Variants in ESRRG observed in about 807,000 individuals in gnomAD.
ESRRG encodes the protein estrogen related receptor gamma.
A neutral mutation model predicts 44.0 loss-of-function variants in ESRRG; 13 were observed. The ratio of observed to expected loss-of-function variants is 0.30; its 90% CI spans 0.19 to 0.47. ESRRG has a LOEUF of 0.47. Among genes scored for constraint, ESRRG ranks in the 20% least tolerant of loss-of-function variants. The pLI, the probability that ESRRG is intolerant of heterozygous loss-of-function variation, is 1.00. For missense variants in ESRRG, 395 were observed against 580.6 expected (o/e 0.68, Z 3.29); for synonymous variants, 215 against 214.6 (o/e 1.00, Z -0.02).
intron 1 of ESRRG, among the ~76,000 whole-genome samples, chr1:217,005,290 G>A (rs1475475671): frequency 6.6e-6 from 1 of 152,180 alleles, no homozygotes; most frequent in African/African-American, 2.4e-5. Flanking sequence ...CAGAGCGGTA[G>A]ATGATTAGTC....
chr1:216,868,553 T>C (rs200305746), intron 2 of ESRRG, among the ~76,000 whole-genome samples: 1 of 152,320 alleles, frequency 6.6e-6, no homozygotes, highest in East Asian at 1.9e-4. Flanking sequence ...TATGTGATCA[T>C]CCATTTTTTA....
At chr1:217,062,435 A>C (rs1466181362) in intron 1 of ESRRG, among the ~76,000 whole-genome samples, 5 of 152,134 alleles carry the variant, frequency 3.3e-5, no homozygotes, top group African/African-American at 1.2e-4. Flanking sequence ...ACTGTATTCA[A>C]TTTCGGTGCA....
chr1:216,610,640 G>C (rs1045715768), intron 3 of ESRRG, among the ~76,000 whole-genome samples: 5 of 151,994 alleles, frequency 3.3e-5, no homozygotes, highest in African/African-American at 1.2e-4. Flanking sequence ...CATCTGTAAG[G>C]ATATGAGGAT....
chr1:216,810,584 A>G (rs1192937402), intron 2 of ESRRG, among the ~76,000 whole-genome samples: 1 of 147,582 alleles, frequency 6.8e-6, no homozygotes, highest in Non-Finnish European at 1.5e-5. Flanking sequence ...TATATTATAA[A>G]TTATATATAT....
At position 216,911,856 on chromosome 1, in the gene ESRRG, G is replaced by T. The variant is rs564156132; in HGVS notation, c.-14+27726C>A. On this transcript the variant is annotated intron_variant, in intron 2 of 7. Coordinates refer to the ESRRG transcript ENST00000359162. ...AGGCCGAGGCAGGTGGATCACGTGC[G>T]CTCAGGAGTTTGAGATCAGCCTGGG... Among the ~76,000 whole-genome samples the T allele has an allele frequency of 9.2e-5, 14 of 152,006 alleles. No individual in the cohort carries two copies. In the South Asian group the frequency reaches 2.5e-3, roughly 27 times the overall value.
At chr1:216,811,362 A>G (rs1248874031) in intron 2 of ESRRG, among the ~76,000 whole-genome samples, 1 of 152,194 alleles carries the variant, frequency 6.6e-6, no homozygotes, top group African/African-American at 2.4e-5. Context: ...CATAAAGCTC[A>G]TACAAACCAC....
chr1:216,512,311 T>C (rs2042955365), intron 6 of ESRRG, among the ~76,000 whole-genome samples: 1 of 152,158 alleles, frequency 6.6e-6, no homozygotes, highest in Non-Finnish European at 1.5e-5. Context: ...AGAAAAAACA[T>C]GATGAACTTC....
At chr1:216,658,304 A>T (rs1014316442) in intron 2 of ESRRG, among the ~76,000 whole-genome samples, 3 of 152,186 alleles carry the variant, frequency 2.0e-5, no homozygotes, top group Non-Finnish European at 2.9e-5. Flanking sequence ...AGTTTTAAAA[A>T]AACTACATCT....
At chr1:216,526,864 G>A (rs950970165) in intron 5 of ESRRG, among the ~76,000 whole-genome samples, 4 of 152,132 alleles carry the variant, frequency 2.6e-5, no homozygotes, top group African/African-American at 9.7e-5. Context: ...AAAGAACTGT[G>A]AAACACTGAG....
chr1:216,667,078 C>A (rs1230815041), intron 2 of ESRRG, among the ~76,000 whole-genome samples: 2 of 152,188 alleles, frequency 1.3e-5, no homozygotes, highest in African/African-American at 4.8e-5. Context: ...AGATAGGCAC[C>A]AGGTCTTATG....
intron 2 of ESRRG, among the ~76,000 whole-genome samples, chr1:216,654,720 GATT>G (rs2069994633): frequency 1.3e-5 from 2 of 151,460 alleles, no homozygotes; most frequent in South Asian, 4.2e-4. Flanking sequence ...AAAGGGGAAA[GATT>G]ATGAAAAAAA....
chr1:216,706,261 G>A (rs1575562166), intron 1 of ESRRG, among the ~76,000 whole-genome samples: 1 of 152,006 alleles, frequency 6.6e-6, no homozygotes, highest in Admixed American at 6.6e-5. Flanking sequence ...ACTATGGCGG[G>A]GGTGGGGGGC....
chr1:216,845,938 A>C (rs1207570350), intron 2 of ESRRG, among the ~76,000 whole-genome samples: 2 of 152,114 alleles, frequency 1.3e-5, no homozygotes, highest in Non-Finnish European at 2.9e-5. Context: ...CTGCGTTTCT[A>C]TTGCACCAAG....
chr1:216,604,580 T>C (rs980004690), intron 3 of ESRRG, among the ~76,000 whole-genome samples: 4 of 152,150 alleles, frequency 2.6e-5, no homozygotes, highest in African/African-American at 9.7e-5. Context: ...AGACAATAGC[T>C]TAATAAGGGG....
rs557083667 is a variant in ESRRG at position 216,991,850 on chromosome 1, G to A, written c.-105-52177C>T. On this transcript the variant is annotated intron_variant, in intron 1 of 7. Transcript: ENST00000359162. ...AATAAGCATGAATTCTCCCTAGAAAGAAATTTCCAGGCGTGTTTTATTTGT... is the reference window on the plus strand; with the variant it reads ...AATAAGCATGAATTCTCCCTAGAAAAAAATTTCCAGGCGTGTTTTATTTGT... 3.9e-5 allele frequency among the ~76,000 whole-genome samples: 6 copies of A among 152,236 alleles called. No individual in the cohort carries two copies. In the South Asian group the frequency reaches 1.2e-3, roughly 32 times the overall value.
intron 2 of ESRRG, among the ~76,000 whole-genome samples, chr1:216,932,529 A>C (rs2063504291): frequency 6.6e-6 from 1 of 151,810 alleles, no homozygotes; most frequent in Non-Finnish European, 1.5e-5. Flanking sequence ...CAATTTTGGT[A>C]GGGGTGTGTG....
chr1:216,509,266 C>T (rs1305606717), intron 6 of ESRRG, among the ~76,000 whole-genome samples: 2 of 152,216 alleles, frequency 1.3e-5, no homozygotes, highest in African/African-American at 2.4e-5. Context: ...AAACTCCTAT[C>T]TTCATCAGCT....
At chr1:217,065,103 A>G (rs921656494) in intron 1 of ESRRG, among the ~76,000 whole-genome samples, 5 of 152,224 alleles carry the variant, frequency 3.3e-5, no homozygotes, top group Non-Finnish European at 7.3e-5. Flanking sequence ...TTCAACTGCT[A>G]CTAGAAAGAT....
rs969922385 is a variant in ESRRG at position 217,104,327 on chromosome 1, T to C, written c.-230+33340A>G. On this transcript the variant is annotated intron_variant, in intron 1 of 8. Coordinates refer to the ESRRG transcript ENST00000366940. ...ATGCTGGAAGCTACTGTTTAAAACA[T>C]AGATGAAATGGGAAAGGAGCAAATA... Among the ~76,000 whole-genome samples, 5 of 152,222 alleles carry C rather than the reference T, an allele frequency of 3.3e-5. No individual in the cohort carries two copies. The East Asian group carries it at 5.8e-4, about 18-fold the overall frequency.
Sources: gnomAD v4.1 joint callset for allele counts (sites outside exome capture counted in the v4.1 genomes callset) on GRCh38, gnomAD v4.1.1 for gene constraint, MANE v1.5 for transcripts, NCBI Gene and HGNC (gene_info 2026-07-23, HGNC 2026-07-21) for gene names.